The following KDM5A variants were observed in gnomAD, a reference collection of about 807,000 sequenced individuals.
The protein encoded by KDM5A is lysine-specific demethylase 5A.
KDM5A carries 42 observed loss-of-function variants against 193.5 expected under a neutral mutation model. The observed-to-expected ratio is 0.22, with a 90% CI of 0.17 to 0.28. KDM5A has a LOEUF of 0.28. Ranked by LOEUF, KDM5A falls within the 10% of genes least tolerant of loss-of-function variation. The pLI is 1.00. For missense variants in KDM5A, 1,692 were observed against 2,055.1 expected, an observed-to-expected ratio of 0.82 and a Z score of 3.42; for synonymous variants, 796 against 718.1, an observed-to-expected ratio of 1.11 and a Z score of -1.73.
chr12:291,086 AAAT>A (rs991034914), intron 27 of KDM5A, among the ~76,000 whole-genome samples: 3 of 152,184 alleles, frequency 2.0e-5, no homozygotes, highest in Admixed American at 6.5e-5. Context: ...TTAAAGATAA[AAAT>A]AATATGCACA....
intron 24 of KDM5A, among the ~76,000 whole-genome samples, chr12:300,102 C>T (rs1048811864): frequency 4.0e-5 from 6 of 151,864 alleles, no homozygotes; most frequent in African/African-American, 1.2e-4. Context: ...ACTTTAACAC[C>T]CCACTGTCCA....
At chr12:322,687 G>A in intron 16 of KDM5A, 120 bp from the exon 17 acceptor site, 2 of 835,716 alleles carry the variant, frequency 2.4e-6, no homozygotes, top group Non-Finnish European at 3.9e-6. Flanking sequence ...ATAATAATTA[G>A]TAGAAACAAA....
intron 3 of KDM5A, among the ~76,000 whole-genome samples, chr12:369,998 C>G (rs1944405645): frequency 6.6e-6 from 1 of 152,178 alleles, no homozygotes; most frequent in Non-Finnish European, 1.5e-5. Context: ...TACTTTGGCT[C>G]CACGCATACA....
In KDM5A at chr12:284,836, G is replaced by T. The variant is rs1271870918; in HGVS notation, c.*620C>A. ...AAGATAAGGTGACCTGCCCCAGCTT[G>T]TGAGAGGTTCTCCTATTTGGGATGT... On this transcript the variant is annotated 3_prime_UTR_variant, in exon 28 of 28. Transcript: ENST00000399788. 2 of 234,160 alleles carry T rather than the reference G, an allele frequency of 8.5e-6. No individual in the cohort carries two copies. Among genetic ancestry groups the T allele is most frequent in the African/African-American group, 4.4e-5 (2 of 45,352 alleles). The allele number at this position is 234,160 out of a possible 1,614,324, so 14.5% of individuals were successfully genotyped here.
intron 10 of KDM5A, among the ~76,000 whole-genome samples, chr12:347,865 T>C (rs1028247414): frequency 3.3e-5 from 5 of 152,142 alleles, no homozygotes; most frequent in Non-Finnish European, 7.3e-5. Flanking sequence ...AAGGACTTCA[T>C]GACTAAAACA....
At chr12:378,495 G>A (rs1298849956) in intron 3 of KDM5A, among the ~76,000 whole-genome samples, 2 of 152,054 alleles carry the variant, frequency 1.3e-5, no homozygotes, top group Admixed American at 6.6e-5. Context: ...GAACTCCTGG[G>A]CTCAAATGAT....
At position 332,204 on chromosome 12, in the gene KDM5A, G is replaced by A. The variant is rs913396680; in HGVS notation, c.1654-266C>T. Among the ~76,000 whole-genome samples the A allele has an allele frequency of 9.9e-5, 15 of 152,234 alleles. No homozygotes were observed. In the South Asian group the frequency reaches 2.5e-3, roughly 25 times the overall value. ...AAAAACATTACTCTCAACGAGCTAC[G>A]AGTTTCTTAAACTGATACAATTTTT... On this transcript the variant is annotated intron_variant, in intron 12 of 27. Transcript: ENST00000399788.
intron 27 of KDM5A, among the ~76,000 whole-genome samples, chr12:287,401 CT>C (rs1697600909): frequency 6.6e-6 from 1 of 151,532 alleles, no homozygotes; most frequent in African/African-American, 2.4e-5. Flanking sequence ...CCTTCCTAAA[CT>C]GATTTTTGTT....
Position 333,479 on chromosome 12 carries a change from A to C in KDM5A, c.1653+8T>G, listed in dbSNP as rs200413284. On this transcript the variant is annotated splice_region_variant and intron_variant, in intron 12 of 27. Transcript: ENST00000399788. ...CAAACAACTGAAGGAAGACACCAAA[A>C]GACTCACAGGCACACCATGCTCCAT... is the stretch of plus-strand genomic sequence containing the variant. The C allele has an allele frequency of 8.2e-4, 1,331 of 1,614,054 alleles. 2 individuals carry two copies. Among genetic ancestry groups the C allele is most frequent in the Non-Finnish European group, 9.6e-4 (1,131 of 1,179,934 alleles).
chr12:288,249 C>T (rs1456338470), intron 27 of KDM5A, among the ~76,000 whole-genome samples: 1 of 152,138 alleles, frequency 6.6e-6, no homozygotes, highest in Non-Finnish European at 1.5e-5. Context: ...TATGTAGTAT[C>T]CTGAAAACTC....
At chr12:371,375 A>AT (rs1209655826) in intron 3 of KDM5A, among the ~76,000 whole-genome samples, 2 of 152,098 alleles carry the variant, frequency 1.3e-5, no homozygotes, top group African/African-American at 2.4e-5. Flanking sequence ...AGTGATGAGC[A>AT]TTTTTTCATG....
intron 24 of KDM5A, 60 bp downstream of exon 24, chr12:306,886 T>TC: frequency 6.5e-7 from 1 of 1,540,580 alleles, no homozygotes; most frequent in Non-Finnish European, 9.0e-7. Context: ...ATAGCTTTTT[T>TC]TTTTTTTAAA....
chr12:306,633 C>A (rs147377993), intron 24 of KDM5A, among the ~76,000 whole-genome samples: 1 of 151,704 alleles, frequency 6.6e-6, no homozygotes, highest in East Asian at 1.9e-4. Flanking sequence ...ATTCCAGCAA[C>A]TTGGGAGGCT....
intron 24 of KDM5A, among the ~76,000 whole-genome samples, chr12:297,720 T>TAC (rs767005667): frequency 3.3e-5 from 5 of 152,238 alleles, no homozygotes; most frequent in Admixed American, 2.0e-4. Context: ...GTGCACCTCC[T>TAC]ACACACAGAC....
intron 24 of KDM5A, among the ~76,000 whole-genome samples, chr12:300,955 A>C (rs1943434053): frequency 6.6e-6 from 1 of 152,256 alleles, no homozygotes; most frequent in Non-Finnish European, 1.5e-5. Context: ...TCCTGGACAC[A>C]TACAGCCTCC....
At chr12:292,428 G>C (rs557890940) in intron 27 of KDM5A, among the ~76,000 whole-genome samples, 1 of 152,252 alleles carries the variant, frequency 6.6e-6, no homozygotes, top group Admixed American at 6.5e-5. Context: ...AGTTCTCTGA[G>C]TCACCTTATA....
chr12:322,493 G>A lies in KDM5A; in HGVS notation c.2350C>T (p.Leu784Phe). The stretch of plus-strand genomic sequence containing the variant: ...TCAGCTTCTTTTACAGCATCCCTGA[G>A]TTTTCGAAAGAGATCATTCTCTGGG... ...KYPENDLFRK[L>F]RDAVKEAETC... The change falls in exon 17 of 28, where the codon CTC (leucine) becomes TTC (phenylalanine). Residue 784 changes from leucine (L) to phenylalanine (F), a missense_variant. Around this residue, in one of 11 missense-constraint regions of KDM5A, gnomAD observed 965 missense variants for 1,061.0 expected, o/e 0.91. Transcript: ENST00000399788. The A allele has an allele frequency of 6.2e-7, 1 of 1,613,680 alleles. No individual in the cohort carries two copies. The highest frequency in any genetic ancestry group is 8.5e-7 in the Non-Finnish European group (1 of 1,179,820).
intron 8 of KDM5A, 68 bp downstream of exon 8, chr12:354,008 T>C (rs1000276730): frequency 2.7e-6 from 3 of 1,112,708 alleles, no homozygotes; most frequent in African/African-American, 3.1e-5. Context: ...AATATGTTTA[T>C]ATGTAGGTGT....
chr12:323,864 T>C (rs376778610), intron 14 of KDM5A, 83 bp from the exon 15 acceptor site: 7 of 1,067,476 alleles, frequency 6.6e-6, no homozygotes, highest in African/African-American at 1.6e-5. Flanking sequence ...TTTTTTTCTA[T>C]AGACAAATCT....
Sources: gnomAD v4.1 joint callset for allele counts (sites outside exome capture counted in the v4.1 genomes callset) on GRCh38, gnomAD v4.1.1 for gene constraint, gnomAD v4.1.1 regional missense constraint, MANE v1.5 for transcripts, NCBI Gene and HGNC (gene_info 2026-07-23, HGNC 2026-07-21) for gene names.